CSMD2: variants seen among roughly 807,000 people sequenced by gnomAD.
CSMD2 encodes the protein CUB and sushi domain-containing protein 2.
A neutral mutation model predicts 398.5 loss-of-function variants in CSMD2; 130 were observed. The observed-to-expected ratio is 0.33, with a 90% CI of 0.28 to 0.38. The LOEUF (loss-of-function observed/expected upper bound fraction) is 0.38. Ranked by LOEUF, CSMD2 falls within the 10% of genes least tolerant of loss-of-function variation. CSMD2 has a pLI of 1.00. For missense variants in CSMD2, 3,829 were observed against 4,764.9 expected, an observed-to-expected ratio of 0.80 and a Z score of 5.78; for synonymous variants, 1,828 against 1,908.5, an observed-to-expected ratio of 0.96 and a Z score of 1.10.
intron 27 of CSMD2, among the ~76,000 whole-genome samples, chr1:33,653,401 C>G (rs1333117595): frequency 6.6e-6 from 1 of 152,242 alleles, no homozygotes; most frequent in African/African-American, 2.4e-5. Context: ...ATTCGCCTGC[C>G]AAGCGCAGCT....
intron 1 of CSMD2, among the ~76,000 whole-genome samples, chr1:34,102,805 C>G (rs1660114395): frequency 6.6e-6 from 1 of 152,212 alleles, no homozygotes; most frequent in South Asian, 2.1e-4. Flanking sequence ...TCCTTGGAGA[C>G]TACCCTAAGT....
intron 4 of CSMD2, among the ~76,000 whole-genome samples, chr1:33,920,642 C>T (rs80165857): frequency 0.1 from 15,568 of 151,464 alleles, 854 homozygotes; most frequent in East Asian, 0.15. Context: ...CCTGAGAGGC[C>T]GCTGTAAGGA....
intron 13 of CSMD2, among the ~76,000 whole-genome samples, chr1:33,757,710 T>G (rs1445591188): frequency 6.6e-6 from 1 of 152,246 alleles, no homozygotes; most frequent in Admixed American, 6.5e-5. Context: ...TCTATTTTCC[T>G]AAGCCTCCTT....
chr1:33,797,354 T>C (rs1313550904), intron 10 of CSMD2, among the ~76,000 whole-genome samples: 1 of 152,246 alleles, frequency 6.6e-6, no homozygotes, highest in Non-Finnish European at 1.5e-5. Context: ...CTCAGCCAGC[T>C]GACACTTATG....
At position 33,719,545 on chromosome 1, in the gene CSMD2, G is replaced by C. The variant is rs558763530; in HGVS notation, c.3002-3044C>G. Reference sequence around the variant, plus strand: ...CATGTTGGAGTTTGAATCCAGATTTGATGTGACAGATGCACACACAAATAC... The same window carrying C: ...CATGTTGGAGTTTGAATCCAGATTTCATGTGACAGATGCACACACAAATAC... On this transcript the variant is annotated intron_variant, in intron 19 of 70. Transcript: ENST00000373381. Among the ~76,000 whole-genome samples the C allele has an allele frequency of 1.2e-4, 18 of 152,278 alleles. No homozygotes were observed. The South Asian group carries it at 3.7e-3, about 32-fold the overall frequency.
intron 3 of CSMD2, among the ~76,000 whole-genome samples, chr1:33,998,442 T>A (rs1022391641): frequency 6.6e-6 from 1 of 152,202 alleles, no homozygotes; most frequent in African/African-American, 2.4e-5. Flanking sequence ...ACATGCAAAA[T>A]GACCAGTCTG....
Position 33,949,500 on chromosome 1 carries a change from G to A in CSMD2, c.518-13546C>T, listed in dbSNP as rs140619847. The stretch of plus-strand genomic sequence containing the variant: ...CCGTACAGCCTAATAAGAATCATTC[G>A]TGAATAGTCCTACCCAGCTGCAAAC... On this transcript the variant is annotated intron_variant, in intron 3 of 70. Transcript: ENST00000373381. Among the ~76,000 whole-genome samples the A allele has an allele frequency of 2.7e-3, 408 of 152,294 alleles. 3 individuals are homozygous for A. Among genetic ancestry groups the A allele is most frequent in the African/African-American group, 9.0e-3 (373 of 41,570 alleles).
chr1:34,142,129 G>C (rs1639350998), intron 1 of CSMD2, among the ~76,000 whole-genome samples: 1 of 152,172 alleles, frequency 6.6e-6, no homozygotes, highest in Non-Finnish European at 1.5e-5. Context: ...CTGCATGTGT[G>C]AGTCATGAAG....
At chr1:33,584,432 G>A (rs1193755148) in intron 46 of CSMD2, among the ~76,000 whole-genome samples, 2 of 152,132 alleles carry the variant, frequency 1.3e-5, no homozygotes. Context: ...AGCGCTGTGG[G>A]AGGCCGGGGC....
chr1:33,633,479 G>A lies in CSMD2; in HGVS notation c.5143C>T (p.His1715Tyr). The A allele has an allele frequency of 3.2e-6, 5 of 1,554,696 alleles. No homozygotes were observed. The highest frequency in any genetic ancestry group is 3.5e-6 in the Non-Finnish European group (4 of 1,148,596). ...HTALNDVVEV[H>Y]DGHSQHSRLL... ...CGCGAGTGCTGGCTGTGGCCGTCGT[G>A]AACCTCCACCACGTCGTTGAGGGCC... Residue 1715 changes from histidine (H) to tyrosine (Y), a missense_variant, in exon 32 of 71, where the codon CAC becomes TAC. Physicochemically the swap from His to Tyr is moderately conservative, Grantham distance 83. This residue lies in a region of CSMD2 where 2,001 missense variants were observed against 2,567.1 expected (regional missense o/e 0.78). Coordinates refer to ENST00000373381, the MANE Select transcript of CSMD2 (RefSeq NM_001281956.2). This position sits in a 1 kb window ranked among gnomAD's most constrained non-coding sequence, Gnocchi z 5.0.
Position 33,550,347 on chromosome 1 carries a change from A to G in CSMD2, c.8747T>C (p.Val2916Ala), listed in dbSNP as rs780977239. Residue 2916 changes from valine to alanine, a missense_variant, in exon 56 of 71, where the codon GTG becomes GCG. Val to Ala is a moderately conservative substitution (Grantham distance 64). Around this residue, in one of 5 missense-constraint regions of CSMD2, gnomAD observed 917 missense variants for 1,199.5 expected, o/e 0.76. Coordinates refer to ENST00000373381, the MANE Select transcript of CSMD2 (RefSeq NM_001281956.2). ...CGGGGAGCCCGGATGGCCACAGGAC[A>G]CCACTGTGGGGGAAAAGCAAACATC... ...WDRPRPQCLLVSCGHPGSPPH... is the reference protein window; with the variant it reads ...WDRPRPQCLLASCGHPGSPPH... 8.1e-6 allele frequency: 13 copies of G among 1,612,974 alleles called. No homozygotes were observed. The highest frequency in any genetic ancestry group is 1.1e-5 in the Non-Finnish European group (13 of 1,179,166).
intron 2 of CSMD2, among the ~76,000 whole-genome samples, chr1:34,053,525 A>G (rs12074823): frequency 0.21 from 31,477 of 152,120 alleles, 3,572 homozygotes; most frequent in Middle Eastern, 0.27. Context: ...GCGGTGCTCT[A>G]CTACCCTAGA....
At chr1:33,725,609 C>A in intron 16 of CSMD2, 73 bp from the exon 17 acceptor site, 1 of 1,428,518 alleles carries the variant, frequency 7.0e-7, no homozygotes. Context: ...TAAAGCCCTG[C>A]CTGACCCAGG....
At chr1:34,102,635 GGCCATATCCCTGTA>G (rs1660080623) in intron 1 of CSMD2, among the ~76,000 whole-genome samples, 5 of 53,420 alleles carry the variant, frequency 9.4e-5, no homozygotes, top group African/African-American at 2.9e-4. Flanking sequence ...CCTGTAATCC[GGCCATATCCCTGTA>G]ATCCAACCAT....
At chr1:33,966,527 G>T (rs890326158) in intron 3 of CSMD2, among the ~76,000 whole-genome samples, 1 of 152,194 alleles carries the variant, frequency 6.6e-6, no homozygotes, top group South Asian at 2.1e-4. Flanking sequence ...CTCCTGTAAA[G>T]TGATAAGAAT....
At chr1:33,867,075 A>G (rs549927825) in intron 5 of CSMD2, among the ~76,000 whole-genome samples, 2 of 152,230 alleles carry the variant, frequency 1.3e-5, no homozygotes, top group African/African-American at 2.4e-5. Context: ...ACTTTCTTCT[A>G]ACCCATAGAA....
At chr1:34,052,552 G>A (rs1020278311) in intron 2 of CSMD2, among the ~76,000 whole-genome samples, 1 of 149,318 alleles carries the variant, frequency 6.7e-6, no homozygotes, top group Non-Finnish European at 1.5e-5. Flanking sequence ...AGAGGAGAGA[G>A]AGTATCCTAT....
intron 6 of CSMD2, among the ~76,000 whole-genome samples, chr1:33,829,110 AG>A (rs1659165466): frequency 6.6e-6 from 1 of 152,164 alleles, no homozygotes; most frequent in Non-Finnish European, 1.5e-5. Context: ...CCACAGGTAG[AG>A]TCTTTGTCCT....
intron 1 of CSMD2, among the ~76,000 whole-genome samples, chr1:34,094,866 C>A (rs943844865): frequency 2.0e-5 from 3 of 149,984 alleles, no homozygotes; most frequent in African/African-American, 4.9e-5. Context: ...AGAAAGTCAA[C>A]AAGGATACCC....
Sources: gnomAD v4.1 joint callset for allele counts (sites outside exome capture counted in the v4.1 genomes callset) on GRCh38, gnomAD v4.1.1 for gene constraint, gnomAD v4.1.1 regional missense constraint, Gnocchi (gnomAD v3.1) non-coding constraint, MANE v1.5 for transcripts, NCBI Gene and HGNC (gene_info 2026-07-23, HGNC 2026-07-21) for gene names.